The following GRM7 variants were observed in gnomAD, a reference collection of about 807,000 sequenced individuals.
GRM7 encodes metabotropic glutamate receptor 7.
A neutral mutation model predicts 84.5 loss-of-function variants in GRM7; 35 were observed. That is an observed-to-expected ratio of 0.41 (90% CI 0.32 to 0.55). GRM7 has a LOEUF of 0.55. Among genes scored for constraint, GRM7 ranks in the 20% least tolerant of loss-of-function variants. GRM7 has a pLI of 0.19. For synonymous variants in GRM7, 487 were observed against 455.1 expected (o/e 1.07, Z -0.89); for missense variants, 1,003 against 1,194.6 (o/e 0.84, Z 2.36).
At chr3:7,184,316 T>C (rs1213366901) in intron 2 of GRM7, among the ~76,000 whole-genome samples, 1 of 152,178 alleles carries the variant, frequency 6.6e-6, no homozygotes, top group Non-Finnish European at 1.5e-5. Flanking sequence ...ATCTGTTTTT[T>C]AAATATAGCT....
At chr3:7,053,246 C>G (rs1272356435) in intron 1 of GRM7, among the ~76,000 whole-genome samples, 1 of 149,880 alleles carries the variant, frequency 6.7e-6, no homozygotes, top group African/African-American at 2.4e-5. Context: ...CTTTAGTTAT[C>G]TTATTATTGA....
Position 6,861,468 on chromosome 3 carries a change from C to T in GRM7, c.80C>T (p.Ala27Val). The T allele has an allele frequency of 6.5e-7, 1 of 1,536,652 alleles. No individual in the cohort carries two copies. Among genetic ancestry groups the T allele is most frequent in the African/African-American group, 1.4e-5 (1 of 71,376 alleles). Reference protein sequence around the residue: ...PCCVLEVLLCALAAAARGQEM... With the variant: ...PCCVLEVLLCVLAAAARGQEM... Reference sequence around the variant, plus strand: ...TGCGTGCTGGAGGTGCTCCTGTGCGCGCTGGCGGCGGCGGCGCGCGGCCAG... The same window carrying T: ...TGCGTGCTGGAGGTGCTCCTGTGCGTGCTGGCGGCGGCGGCGCGCGGCCAG... The change falls in exon 1 of 10, where the codon GCG (alanine) becomes GTG (valine). Residue 27 changes from alanine (A) to valine (V), a missense_variant. Ala to Val is a moderately conservative substitution (Grantham distance 64). Coordinates refer to ENST00000357716, the MANE Select transcript of GRM7 (RefSeq NM_000844.4). The surrounding 1 kb of genome is among the most constrained non-coding windows in gnomAD (Gnocchi z 6.4).
chr3:7,084,121 G>T (rs531187115), intron 1 of GRM7, among the ~76,000 whole-genome samples: 1 of 152,246 alleles, frequency 6.6e-6, no homozygotes, highest in African/African-American at 2.4e-5. Flanking sequence ...GTTTAACTTC[G>T]ATTTAAAGCA....
At chr3:7,519,160 C>G (rs981429865) in intron 7 of GRM7, among the ~76,000 whole-genome samples, 1 of 152,080 alleles carries the variant, frequency 6.6e-6, no homozygotes, top group Non-Finnish European at 1.5e-5. Context: ...CTTAAGTAAG[C>G]CATTTCTTAG....
intron 7 of GRM7, among the ~76,000 whole-genome samples, chr3:7,521,360 T>C (rs947067838): frequency 6.6e-6 from 1 of 152,200 alleles, no homozygotes; most frequent in Non-Finnish European, 1.5e-5. Context: ...CCCAAGGTTA[T>C]GGTAGTAGAA....
At chr3:7,258,267 T>A (rs568036401) in intron 2 of GRM7, among the ~76,000 whole-genome samples, 1 of 152,312 alleles carries the variant, frequency 6.6e-6, no homozygotes, top group African/African-American at 2.4e-5. Context: ...ATTTGTATCA[T>A]GTCTTCTAGA....
intron 2 of GRM7, among the ~76,000 whole-genome samples, chr3:7,199,243 A>C (rs940575509): frequency 6.6e-6 from 1 of 152,182 alleles, no homozygotes; most frequent in African/African-American, 2.4e-5. Context: ...TGCCATAAAG[A>C]ACCTTGAGAT....
At chr3:7,435,851 C>CTTTTTTT (rs34860272) in intron 5 of GRM7, among the ~76,000 whole-genome samples, 1,163 of 88,538 alleles carry the variant, frequency 0.013, no homozygotes, top group Non-Finnish European at 0.018. Flanking sequence ...CCACACCCAT[C>CTTTTTTT]TTTTTTTTTT....
chr3:7,215,619 C>T (rs893824925), intron 2 of GRM7, among the ~76,000 whole-genome samples: 3 of 151,776 alleles, frequency 2.0e-5, no homozygotes, highest in Non-Finnish European at 2.9e-5. Flanking sequence ...GAGCTGAGAT[C>T]GCGCCACTGC....
At chr3:7,096,795 C>T (rs1264629161) in intron 1 of GRM7, among the ~76,000 whole-genome samples, 2 of 152,124 alleles carry the variant, frequency 1.3e-5, no homozygotes, top group Admixed American at 1.3e-4. Flanking sequence ...ATAACAAAGA[C>T]ACTCCTATCA....
At chr3:7,034,969 T>C (rs1037524988) in intron 1 of GRM7, among the ~76,000 whole-genome samples, 5 of 152,214 alleles carry the variant, frequency 3.3e-5, no homozygotes, top group African/African-American at 1.2e-4. Context: ...GAGTCAGGCT[T>C]GTACAGAGAA....
Position 7,452,703 on chromosome 3 carries a change from A to T in GRM7, c.1271A>T (p.His424Leu). The T allele has an allele frequency of 6.2e-7, 1 of 1,613,172 alleles. No individual in the cohort carries two copies. Among genetic ancestry groups the T allele is most frequent in the Non-Finnish European group, 8.5e-7 (1 of 1,179,300 alleles). ...TATGCTATGGCTCACGCCCTTCACC[A>T]CATGAACAAGGATCTCTGTGCTGAC... ...AVYAMAHALH[H>L]MNKDLCADYR... is the part of the protein sequence containing the mutation. The change falls in exon 6 of 10, where the codon CAC (histidine) becomes CTC (leucine). Residue 424 changes from histidine (H) to leucine (L), a missense_variant. By Grantham distance (99) the His-to-Leu change is moderately conservative. Transcript: ENST00000357716.
chr3:7,276,784 T>TCCC (rs1699076914), intron 2 of GRM7, among the ~76,000 whole-genome samples: 1 of 1,758 alleles, frequency 5.7e-4, no homozygotes. Flanking sequence ...CCTTCCTTCC[T>TCCC]TCCTTCCTTC....
At chr3:7,286,296 A>G (rs1699429105) in intron 2 of GRM7, among the ~76,000 whole-genome samples, 1 of 152,166 alleles carries the variant, frequency 6.6e-6, no homozygotes, top group Non-Finnish European at 1.5e-5. Context: ...GTAATTTGGT[A>G]TTTGTCGGGC....
intron 8 of GRM7, among the ~76,000 whole-genome samples, chr3:7,676,960 C>G (rs1006023964): frequency 3.3e-5 from 5 of 152,006 alleles, no homozygotes; most frequent in African/African-American, 1.2e-4. Context: ...TGATGCATGA[C>G]TGTACTTATT....
At chr3:7,078,982 A>G (rs915521361) in intron 1 of GRM7, among the ~76,000 whole-genome samples, 1 of 152,070 alleles carries the variant, frequency 6.6e-6, no homozygotes, top group African/African-American at 2.4e-5. Flanking sequence ...ATTTTGTTTT[A>G]AAGACCTAAG....
intron 1 of GRM7, among the ~76,000 whole-genome samples, chr3:7,006,925 A>T (rs1695199023): frequency 6.6e-6 from 1 of 152,244 alleles, no homozygotes; most frequent in South Asian, 2.1e-4. Context: ...TAAATAAAGC[A>T]TATGAAAATA....
At chr3:6,996,795 G>A (rs1412462952) in intron 1 of GRM7, among the ~76,000 whole-genome samples, 1 of 152,128 alleles carries the variant, frequency 6.6e-6, no homozygotes, top group African/African-American at 2.4e-5. Flanking sequence ...CCTGAGCCAA[G>A]GATTCCTTAT....
At chr3:7,658,296 A>G (rs1215639276) in intron 8 of GRM7, among the ~76,000 whole-genome samples, 1 of 152,256 alleles carries the variant, frequency 6.6e-6, no homozygotes, top group Non-Finnish European at 1.5e-5. Flanking sequence ...CTCACTGTAT[A>G]GCTTTTGAGT....
Sources: gnomAD v4.1 joint callset for allele counts (sites outside exome capture counted in the v4.1 genomes callset) on GRCh38, gnomAD v4.1.1 for gene constraint, Gnocchi (gnomAD v3.1) non-coding constraint, MANE v1.5 for transcripts, NCBI Gene and HGNC (gene_info 2026-07-23, HGNC 2026-07-21) for gene names.